Variants in TPTE observed in about 807,000 individuals in gnomAD.
TPTE encodes transmembrane phosphatase with tensin homology.
In TPTE, 59 loss-of-function variants were observed where a neutral mutation model predicts 84.1. The ratio of observed to expected loss-of-function variants is 0.70; its 90% CI spans 0.57 to 0.87. The LOEUF is 0.87. TPTE is among the 40% of genes least tolerant of loss of function. TPTE has a pLI of 0.00. For missense variants in TPTE, 382 were observed against 659.6 expected (o/e 0.58, Z 4.61); for synonymous variants, 130 against 223.5 (o/e 0.58, Z 3.73).
At chr21:10,530,654 GT>G (rs1252734167) in intron 3 of TPTE, among the ~76,000 whole-genome samples, 11 of 152,300 alleles carry the variant, frequency 7.2e-5, no homozygotes, top group Non-Finnish European at 1.2e-4. Context: ...CTATAGACCT[GT>G]TTGAGTATTT....
At chr21:10,522,035 G>A (rs1356787569) in intron 1 of TPTE, among the ~76,000 whole-genome samples, 11 of 152,254 alleles carry the variant, frequency 7.2e-5, no homozygotes, top group Admixed American at 5.9e-4. Context: ...CCTAGGAGCC[G>A]GAGCCGCAGG....
At chr21:10,581,939 T>A (rs1388394140) in intron 17 of TPTE, among the ~76,000 whole-genome samples, 31 of 152,260 alleles carry the variant, frequency 2.0e-4, no homozygotes, top group Non-Finnish European at 4.0e-4. Context: ...CTCACTGTGT[T>A]GTCCAAACTG....
At chr21:10,600,832 T>G (rs1359865371) in intron 21 of TPTE, among the ~76,000 whole-genome samples, 1 of 152,312 alleles carries the variant, frequency 6.6e-6, no homozygotes, top group Non-Finnish European at 1.5e-5. Flanking sequence ...ATTCCAAAAC[T>G]TGAGCTATCT....
intron 10 of TPTE, among the ~76,000 whole-genome samples, chr21:10,561,491 C>CAAAAAA (rs201158290): frequency 9.9e-6 from 1 of 101,044 alleles, no homozygotes. Context: ...GACTCCATCT[C>CAAAAAA]AAAAAAAAAA....
intron 3 of TPTE, among the ~76,000 whole-genome samples, chr21:10,532,604 A>G (rs1216926110): frequency 1.3e-5 from 2 of 152,306 alleles, no homozygotes; most frequent in Non-Finnish European, 2.9e-5. Context: ...GCTTTTAACC[A>G]TCTTGACTTC....
chr21:10,603,002 C>T (rs1978765742), intron 22 of TPTE, among the ~76,000 whole-genome samples: 1 of 152,306 alleles, frequency 6.6e-6, no homozygotes, highest in Admixed American at 6.5e-5. Flanking sequence ...GTATGGGGGT[C>T]TGTGGGGTGA....
chr21:10,573,530 TAAC>T (rs1649736475), intron 14 of TPTE, among the ~76,000 whole-genome samples: 1 of 152,308 alleles, frequency 6.6e-6, no homozygotes, highest in African/African-American at 2.4e-5. Flanking sequence ...TGACTACAGT[TAAC>T]AATAATTTAT....
intron 5 of TPTE, among the ~76,000 whole-genome samples, chr21:10,541,806 G>A (rs1450978221): frequency 6.6e-6 from 1 of 152,310 alleles, no homozygotes; most frequent in East Asian, 1.9e-4. Flanking sequence ...TTGGAGTGAG[G>A]AGGAGGTAGG....
chr21:10,522,133 C>A (rs1256888216), intron 1 of TPTE, among the ~76,000 whole-genome samples: 2 of 152,234 alleles, frequency 1.3e-5, no homozygotes, highest in Non-Finnish European at 2.9e-5. Context: ...GCGCCCGGCT[C>A]TCGTTGTCTT....
intron 8 of TPTE, among the ~76,000 whole-genome samples, chr21:10,554,885 C>T (rs1040113471): frequency 6.6e-6 from 1 of 152,310 alleles, no homozygotes; most frequent in Non-Finnish European, 1.5e-5. Context: ...TGTCATCCCT[C>T]TGTATTGTCC....
chr21:10,530,416 G>T (rs1338639331), intron 3 of TPTE, among the ~76,000 whole-genome samples: 7 of 152,304 alleles, frequency 4.6e-5, no homozygotes, highest in Non-Finnish European at 7.3e-5. Context: ...TTATTGTTTT[G>T]CCTATATGTT....
intron 8 of TPTE, among the ~76,000 whole-genome samples, chr21:10,553,314 T>G (rs1568968872): frequency 2.0e-5 from 3 of 152,310 alleles, no homozygotes; most frequent in Admixed American, 6.5e-5. Context: ...TTCTTCTGCT[T>G]CTTTCTTGCC....
At chr21:10,554,718 C>T (rs1233526066) in intron 8 of TPTE, among the ~76,000 whole-genome samples, 9 of 152,296 alleles carry the variant, frequency 5.9e-5, no homozygotes, top group South Asian at 2.1e-4. Flanking sequence ...AAGTCCTTCT[C>T]ACCCCAAGAT....
intron 8 of TPTE, 146 bp downstream of exon 8, chr21:10,552,862 C>T (rs2074605039): frequency 3.7e-6 from 5 of 1,366,228 alleles, no homozygotes; most frequent in Admixed American, 2.8e-5. Flanking sequence ...ACCGTATTTA[C>T]TCCAGTTGAA....
chr21:10,552,053 A>C (rs2074585712), intron 7 of TPTE, among the ~76,000 whole-genome samples: 1 of 152,308 alleles, frequency 6.6e-6, no homozygotes, highest in Non-Finnish European at 1.5e-5. Flanking sequence ...GACCATTGGC[A>C]ACCACCACTC....
intron 17 of TPTE, among the ~76,000 whole-genome samples, chr21:10,587,492 A>C (rs2075387310): frequency 6.6e-6 from 1 of 152,286 alleles, no homozygotes; most frequent in African/African-American, 2.4e-5. Flanking sequence ...TTCCTGCATT[A>C]ATTTGCTCAG....
chr21:10,595,683 T>G (rs1420102789), intron 19 of TPTE, among the ~76,000 whole-genome samples: 1 of 152,312 alleles, frequency 6.6e-6, no homozygotes, highest in African/African-American at 2.4e-5. Flanking sequence ...CAGACACTGA[T>G]GATACTGTAA....
intron 7 of TPTE, among the ~76,000 whole-genome samples, chr21:10,545,102 T>G (rs1223701215): frequency 1.3e-5 from 2 of 152,306 alleles, no homozygotes; most frequent in African/African-American, 4.8e-5. Context: ...ACATGTGGAG[T>G]CTTGCTATGT....
At chr21:10,547,376 C>G (rs1219058669) in intron 7 of TPTE, among the ~76,000 whole-genome samples, 9 of 152,306 alleles carry the variant, frequency 5.9e-5, no homozygotes, top group Admixed American at 6.5e-5. Context: ...CCCTTCTGCC[C>G]CATCTGGATT....
Sources: allele counts gnomAD v4.1 joint callset (sites outside exome capture counted in the v4.1 genomes callset), GRCh38; gene constraint gnomAD v4.1.1; transcripts MANE v1.5; gene names NCBI Gene and HGNC (gene_info 2026-07-23, HGNC 2026-07-21).